The following TPD52 variants were observed in gnomAD, a reference collection of about 807,000 sequenced individuals.
TPD52 encodes the protein tumor protein D52, also known as prostate and colon associated protein.
A neutral mutation model predicts 31.3 loss-of-function variants in TPD52; 17 were observed. The ratio of observed to expected loss-of-function variants is 0.54; its 90% CI spans 0.37 to 0.82. The LOEUF is 0.82. Ranked by LOEUF, TPD52 falls within the 40% of genes least tolerant of loss-of-function variation. The pLI is 0.00. For synonymous variants in TPD52, 83 were observed against 89.6 expected (o/e 0.93, Z 0.42); for missense variants, 212 against 240.1 (o/e 0.88, Z 0.77).
chr8:80,042,464 C>CA (rs1810481278), intron 7 of TPD52, 156 bp downstream of exon 7: 1 of 985,318 alleles, frequency 1.0e-6, no homozygotes, highest in Non-Finnish European at 1.2e-6. Context: ...AAGTACATAA[C>CA]ACCTTAAATG....
chr8:80,066,904 GTTATT>G (rs1423889530), intron 1 of TPD52: 5 of 152,138 alleles, frequency 3.3e-5, no homozygotes, highest in Non-Finnish European at 7.3e-5. Flanking sequence ...CCTGTTAAAC[GTTATT>G]TTATTTTTAA....
intron 1 of TPD52, among the ~76,000 whole-genome samples, chr8:80,084,997 A>G (rs1815629119): frequency 6.6e-6 from 1 of 152,232 alleles, no homozygotes; most frequent in African/African-American, 2.4e-5. Context: ...AAACACTGAC[A>G]TAATTATATA....
At chr8:80,089,477 A>G (rs1816084960) in intron 1 of TPD52, among the ~76,000 whole-genome samples, 1 of 152,218 alleles carries the variant, frequency 6.6e-6, no homozygotes, top group Non-Finnish European at 1.5e-5. Flanking sequence ...GCCTGAGGTT[A>G]GAAATTAAAC....
intron 1 of TPD52, among the ~76,000 whole-genome samples, chr8:80,141,683 G>A (rs1394870645): frequency 6.6e-6 from 1 of 152,078 alleles, no homozygotes; most frequent in Non-Finnish European, 1.5e-5. Flanking sequence ...AGGCTGAGGT[G>A]GGCAGAACAC....
At chr8:80,154,999 T>TGG (rs1810855122) in intron 1 of TPD52, among the ~76,000 whole-genome samples, 1 of 119,848 alleles carries the variant, frequency 8.3e-6, no homozygotes, top group African/African-American at 3.2e-5. Flanking sequence ...TTTTGGTTTT[T>TGG]TGTTTTTTTT....
intron 1 of TPD52, among the ~76,000 whole-genome samples, chr8:80,096,658 AGT>A (rs1816768014): frequency 1.3e-5 from 2 of 152,120 alleles, no homozygotes; most frequent in African/African-American, 2.4e-5. Context: ...ATCTGTGATC[AGT>A]GACCTTTGAT....
chr8:80,157,467 T>C (rs1469254210), intron 1 of TPD52, among the ~76,000 whole-genome samples: 3 of 152,150 alleles, frequency 2.0e-5, no homozygotes, highest in African/African-American at 7.2e-5. Context: ...GCTTGGCCGA[T>C]AGGTTTCCCC....
At chr8:80,133,605 T>G (rs534463973) in intron 1 of TPD52, among the ~76,000 whole-genome samples, 1 of 152,140 alleles carries the variant, frequency 6.6e-6, no homozygotes, top group Admixed American at 6.5e-5. Flanking sequence ...ACATGAATCC[T>G]TCCCTCAGTT....
At chr8:80,136,327 A>C (rs1214799884) in intron 1 of TPD52, among the ~76,000 whole-genome samples, 1 of 151,180 alleles carries the variant, frequency 6.6e-6, no homozygotes, top group African/African-American at 2.4e-5. Flanking sequence ...AATCGAGACC[A>C]TCCTGGCTAA....
At chr8:80,122,693 G>A (rs897326102) in intron 1 of TPD52, among the ~76,000 whole-genome samples, 13 of 152,234 alleles carry the variant, frequency 8.5e-5, no homozygotes, top group Non-Finnish European at 1.3e-4. Context: ...CTCTCCAAGA[G>A]TGTAATACAG....
At chr8:80,128,904 T>C (rs998953790) in intron 1 of TPD52, among the ~76,000 whole-genome samples, 2 of 151,734 alleles carry the variant, frequency 1.3e-5, no homozygotes, top group Non-Finnish European at 2.9e-5. Flanking sequence ...CAGGAAGAAA[T>C]GCTAGATTAG....
intron 1 of TPD52, among the ~76,000 whole-genome samples, chr8:80,148,317 A>AGTGTGTGTGT (rs34231994): frequency 0.19 from 27,914 of 143,728 alleles, 3,194 homozygotes; most frequent in East Asian, 0.63. Context: ...TTCCTGGCTA[A>AGTGTGTGTGT]GTGTGTGTGT....
chr8:80,162,919 G>A (rs907051787), intron 1 of TPD52, among the ~76,000 whole-genome samples: 1 of 151,006 alleles, frequency 6.6e-6, no homozygotes, highest in Non-Finnish European at 1.5e-5. Flanking sequence ...GAGTGAGACT[G>A]TGTCTCAAAA....
At chr8:80,166,115 C>T (rs1473197884) in intron 1 of TPD52, among the ~76,000 whole-genome samples, 2 of 152,000 alleles carry the variant, frequency 1.3e-5, no homozygotes, top group African/African-American at 4.8e-5. Flanking sequence ...GCCAGGAGTT[C>T]GAGACCAGCC....
At chr8:80,133,189 T>C (rs967079299) in intron 1 of TPD52, among the ~76,000 whole-genome samples, 2 of 152,182 alleles carry the variant, frequency 1.3e-5, no homozygotes, top group Admixed American at 1.3e-4. Context: ...AGAATAAATA[T>C]GACATTCAAA....
chr8:80,047,607 A>C (rs1384979420), intron 5 of TPD52, among the ~76,000 whole-genome samples: 10 of 152,248 alleles, frequency 6.6e-5, no homozygotes, highest in Non-Finnish European at 1.3e-4. Flanking sequence ...TGAATAAATG[A>C]ATAAACAATT....
chr8:80,112,864 G>T (rs572942514), intron 1 of TPD52, among the ~76,000 whole-genome samples: 1 of 152,074 alleles, frequency 6.6e-6, no homozygotes, highest in South Asian at 2.1e-4. Context: ...TCAGATTTCC[G>T]ATTTTTTCAG....
intron 1 of TPD52, among the ~76,000 whole-genome samples, chr8:80,094,440 A>G (rs1385747602): frequency 3.2e-5 from 1 of 31,334 alleles, no homozygotes; most frequent in Non-Finnish European, 5.7e-5. Flanking sequence ...TTATATATAT[A>G]TATATATATA....
At chr8:80,131,199 A>G (rs1410486593) in intron 1 of TPD52, among the ~76,000 whole-genome samples, 1 of 152,230 alleles carries the variant, frequency 6.6e-6, no homozygotes. Context: ...GAAAAAAATC[A>G]GCAAAGACAA....
Sources: allele counts gnomAD v4.1 joint callset (sites outside exome capture counted in the v4.1 genomes callset), GRCh38; gene constraint gnomAD v4.1.1; transcripts MANE v1.5; gene names NCBI Gene and HGNC (gene_info 2026-07-23, HGNC 2026-07-21).